Variants in MOB3B observed in about 807,000 individuals in gnomAD.
MOB3B encodes the protein MOB kinase activator-like 2B.
In MOB3B, 7 loss-of-function variants were observed where a neutral mutation model predicts 18.7. The observed-to-expected ratio is 0.37, with a 90% CI of 0.21 to 0.70. The LOEUF (loss-of-function observed/expected upper bound fraction) is 0.70, where lower values mean the gene tolerates loss of function less well. MOB3B is among the 30% of genes least tolerant of loss of function. The probability of loss-of-function intolerance (pLI) is 0.52; values close to 1 mark genes in which losing one functional copy is unlikely to be tolerated. For missense variants in MOB3B, 253 were observed against 281.3 expected, an observed-to-expected ratio of 0.90 and a Z score of 0.72; for synonymous variants, 111 against 99.9, an observed-to-expected ratio of 1.11 and a Z score of -0.66.
intron 1 of MOB3B, among the ~76,000 whole-genome samples, chr9:27,528,185 T>A (rs1357609024): frequency 6.6e-6 from 1 of 152,234 alleles, no homozygotes; most frequent in African/African-American, 2.4e-5. Flanking sequence ...GTTATTTGCA[T>A]CTTCGTTCTC....
intron 1 of MOB3B, among the ~76,000 whole-genome samples, chr9:27,465,106 T>C (rs1053630123): frequency 6.6e-6 from 1 of 152,134 alleles, no homozygotes; most frequent in Admixed American, 6.6e-5. Flanking sequence ...AAGTCCATAG[T>C]CCAAAGTCTC....
At chr9:27,470,335 C>T (rs1417832457) in intron 1 of MOB3B, among the ~76,000 whole-genome samples, 1 of 152,060 alleles carries the variant, frequency 6.6e-6, no homozygotes, top group African/African-American at 2.4e-5. Flanking sequence ...AGGGTGTCTA[C>T]TCCTCTCAAC....
rs367991624 is a variant in MOB3B, at chr9:27,377,095, T to C, written c.419-17859A>G. 2.0e-5 allele frequency among the ~76,000 whole-genome samples: 3 copies of C among 152,296 alleles called. No homozygotes were observed. The South Asian group carries it at 6.2e-4, about 32-fold the overall frequency. Reference sequence around the variant, plus strand: ...AATAGCATCTACCTTGTTGGGCTGTTGTGAGGATTAAAGGGAAAATAATGA... The same window carrying C: ...AATAGCATCTACCTTGTTGGGCTGTCGTGAGGATTAAAGGGAAAATAATGA... On this transcript the variant is annotated intron_variant, in intron 2 of 3. Transcript: ENST00000262244.
intron 1 of MOB3B, among the ~76,000 whole-genome samples, chr9:27,515,756 CA>C (rs1820222161): frequency 6.6e-6 from 1 of 152,100 alleles, no homozygotes; most frequent in African/African-American, 2.4e-5. Flanking sequence ...CCATTCTTTC[CA>C]ACATGCTAGA....
chr9:27,489,198 C>T (rs563561661), intron 1 of MOB3B, among the ~76,000 whole-genome samples: 6 of 152,310 alleles, frequency 3.9e-5, no homozygotes, highest in Admixed American at 1.3e-4. Context: ...TCTCCTAGTC[C>T]GTCTTTCCCT....
intron 2 of MOB3B, among the ~76,000 whole-genome samples, chr9:27,445,945 C>G (rs567770712): frequency 3.9e-5 from 6 of 152,118 alleles, no homozygotes; most frequent in African/African-American, 1.4e-4. Context: ...CCAGTCCTGA[C>G]GACCTGGGCT....
At chr9:27,448,284 G>T (rs535561857) in intron 2 of MOB3B, among the ~76,000 whole-genome samples, 1 of 152,274 alleles carries the variant, frequency 6.6e-6, no homozygotes, top group East Asian at 1.9e-4. Flanking sequence ...CTGCCTTACA[G>T]GGTTATTTTA....
chr9:27,465,881 G>A (rs1819375984), intron 1 of MOB3B, among the ~76,000 whole-genome samples: 1 of 152,156 alleles, frequency 6.6e-6, no homozygotes, highest in African/African-American at 2.4e-5. Context: ...GCTGCATACA[G>A]CACGGGGATC....
At chr9:27,386,172 A>T (rs1362747549) in intron 2 of MOB3B, among the ~76,000 whole-genome samples, 1 of 152,194 alleles carries the variant, frequency 6.6e-6, no homozygotes, top group East Asian at 1.9e-4. Context: ...TTGCTGCCTC[A>T]TTTGTGACTT....
At position 27,489,227 on chromosome 9, in the gene MOB3B, C is replaced by A. The variant is rs548976431; in HGVS notation, c.-198-33479G>T. On this transcript the variant is annotated intron_variant, in intron 1 of 3. Coordinates refer to ENST00000262244, the MANE Select transcript of MOB3B (RefSeq NM_024761.5). ...TTTCCCTTTCACTTGTGGTTTTCTT[C>A]CCTTGTCATTTAAGCATTCTCAACT... 2.6e-5 allele frequency among the ~76,000 whole-genome samples: 4 copies of A among 152,178 alleles called. No individual in the cohort carries two copies. In the South Asian group the frequency reaches 8.3e-4, roughly 32 times the overall value.
intron 2 of MOB3B, among the ~76,000 whole-genome samples, chr9:27,389,822 C>G (rs1465266778): frequency 6.6e-6 from 1 of 152,076 alleles, no homozygotes. Flanking sequence ...ATGTGGCATA[C>G]AGCTCCCATT....
rs1171362204 is a variant in MOB3B at position 27,522,242 on chromosome 9, C to CAAAAAAAAAAAAAAAAAAAAAAAAAA, written c.-199+7312_-199+7313insTTTTTTTTTTTTTTTTTTTTTTTTTT. 4.3e-4 allele frequency among the ~76,000 whole-genome samples: 24 copies of CAAAAAAAAAAAAAAAAAAAAAAAAAA among 56,038 alleles called. 1 individual carries two copies. Among genetic ancestry groups the CAAAAAAAAAAAAAAAAAAAAAAAAAA allele is most frequent in the Non-Finnish European group, 5.9e-4 (20 of 33,920 alleles). 36.8% of individuals were successfully genotyped at this position (56,038 alleles called of 152,430 possible). On this transcript the variant is annotated intron_variant, in intron 1 of 3. Coordinates refer to ENST00000262244, the MANE Select transcript of MOB3B (RefSeq NM_024761.5). ...GGAGACAGAGCAAGACCCCGTCTCA[C>CAAAAAAAAAAAAAAAAAAAAAAAAAA]AAAAAAAAAAAAAAAAAAAAAAAAG...
At chr9:27,403,627 G>A (rs1821920314) in intron 2 of MOB3B, among the ~76,000 whole-genome samples, 1 of 144,840 alleles carries the variant, frequency 6.9e-6, no homozygotes, top group African/African-American at 2.6e-5. Context: ...CCACCTCCCA[G>A]GTTGAAGCGA....
chr9:27,419,355 A>G (rs1016662358), intron 2 of MOB3B, among the ~76,000 whole-genome samples: 1 of 152,198 alleles, frequency 6.6e-6, no homozygotes, highest in South Asian at 2.1e-4. Flanking sequence ...CCAGGGCAAG[A>G]CTAAGCAAAA....
chr9:27,336,341 G>C (rs1820863419), intron 3 of MOB3B, among the ~76,000 whole-genome samples: 1 of 152,022 alleles, frequency 6.6e-6, no homozygotes, highest in Non-Finnish European at 1.5e-5. Flanking sequence ...GGGGGGGGAA[G>C]AGCTACCACA....
intron 2 of MOB3B, among the ~76,000 whole-genome samples, chr9:27,435,047 T>TTC (rs60408942): frequency 0.021 from 3,060 of 145,920 alleles, 36 homozygotes; most frequent in East Asian, 0.034. Flanking sequence ...TGTAAGGTGT[T>TTC]TCTCTCTCTC....
At position 27,455,454 on chromosome 9, in the gene MOB3B, G is replaced by A. The variant is rs773515192; in HGVS notation, c.97C>T (p.Arg33Trp). The A allele has an allele frequency of 5.5e-5, 88 of 1,614,100 alleles. No homozygotes were observed. The highest frequency in any genetic ancestry group is 6.8e-5 in the Non-Finnish European group (80 of 1,180,040). Reference protein sequence around the residue: ...PGTQRFELHKRAQASLNSGVD... With the variant: ...PGTQRFELHKWAQASLNSGVD... ...CCCGAGTTGAGGGATGCCTGAGCCC[G>A]TTTGTGCAGCTCAAACCTCTGTGTG... Residue 33 changes from arginine (R) to tryptophan (W), a missense_variant, in exon 2 of 4, where the codon CGG becomes TGG. Transcript: ENST00000262244.
chr9:27,470,315 C>T (rs1250178462), intron 1 of MOB3B, among the ~76,000 whole-genome samples: 1 of 152,070 alleles, frequency 6.6e-6, no homozygotes, highest in Non-Finnish European at 1.5e-5. Flanking sequence ...ATCTCTTCTG[C>T]AGCTGAAGCA....
At chr9:27,437,297 T>C (rs1033328247) in intron 2 of MOB3B, among the ~76,000 whole-genome samples, 2 of 152,190 alleles carry the variant, frequency 1.3e-5, no homozygotes, top group Non-Finnish European at 2.9e-5. Flanking sequence ...TAAGACCTCT[T>C]AGAATCTCAG....
Sources: allele counts gnomAD v4.1 joint callset (sites outside exome capture counted in the v4.1 genomes callset), GRCh38; gene constraint gnomAD v4.1.1; transcripts MANE v1.5; gene names NCBI Gene and HGNC (gene_info 2026-07-23, HGNC 2026-07-21).